Variants in ZHX3 observed in about 807,000 individuals in gnomAD.
ZHX3 encodes the protein zinc fingers and homeoboxes protein 3.
Under a neutral mutation model 64.5 loss-of-function variants are expected in ZHX3, and 20 were observed. The observed-to-expected ratio is 0.31, with a 90% confidence interval of 0.22 to 0.45. The LOEUF (loss-of-function observed/expected upper bound fraction) is 0.45. ZHX3 is among the 20% of genes least tolerant of loss of function. The pLI is 1.00. For synonymous variants in ZHX3, 423 were observed against 461.6 expected (o/e 0.92, Z 1.07); for missense variants, 1,041 against 1,195.8 (o/e 0.87, Z 1.91).
intron 1 of ZHX3, among the ~76,000 whole-genome samples, chr20:41,291,958 G>A (rs1388041267): frequency 8.7e-5 from 12 of 137,424 alleles, no homozygotes; most frequent in East Asian, 2.4e-4. Context: ...CTGGAGAACC[G>A]CTTGAGCCAG....
intron 2 of ZHX3, among the ~76,000 whole-genome samples, chr20:41,244,122 A>C (rs2041550723): frequency 6.6e-6 from 1 of 152,184 alleles, no homozygotes; most frequent in Non-Finnish European, 1.5e-5. Flanking sequence ...ATCCCAGTAG[A>C]GCACACTGTC....
intron 2 of ZHX3, among the ~76,000 whole-genome samples, chr20:41,239,933 G>A (rs1050118853): frequency 1.6e-4 from 25 of 152,034 alleles, no homozygotes; most frequent in Non-Finnish European, 7.4e-5. Context: ...TTGGAACTGT[G>A]TTTAAGAGAA....
chr20:41,203,099 G>A lies in ZHX3; in HGVS notation c.1818C>T (p.His606=). ...THPSAKRQSW[H]QTPDFTPTKY... ...TGGTTGGTGTGAAGTCAGGAGTCTGGTGCCAAGATTGTCGTTTGGCAGAAG... is the reference window on the plus strand; with the variant it reads ...TGGTTGGTGTGAAGTCAGGAGTCTGATGCCAAGATTGTCGTTTGGCAGAAG... The change falls in exon 3 of 4, where the codon CAC becomes CAT. Residue 606 remains histidine, a synonymous_variant. Transcript: ENST00000683867. This position sits in a 1 kb window ranked among gnomAD's most constrained non-coding sequence, Gnocchi z 7.1. The A allele has an allele frequency of 6.2e-7, 1 of 1,614,140 alleles. No individual in the cohort carries two copies. The highest frequency in any genetic ancestry group is 8.5e-7 in the Non-Finnish European group (1 of 1,180,034).
At chr20:41,256,183 T>G (rs1161276049) in intron 2 of ZHX3, among the ~76,000 whole-genome samples, 1 of 152,100 alleles carries the variant, frequency 6.6e-6, no homozygotes, top group African/African-American at 2.4e-5. Flanking sequence ...TTGAGTGAGG[T>G]AGGTGTGCTG....
intron 1 of ZHX3, among the ~76,000 whole-genome samples, chr20:41,312,492 T>A (rs1292635767): frequency 6.6e-6 from 1 of 152,200 alleles, no homozygotes; most frequent in Admixed American, 6.5e-5. Flanking sequence ...AGCTCCTTTC[T>A]TGAAGTCAGC....
intron 2 of ZHX3, among the ~76,000 whole-genome samples, chr20:41,221,423 C>A (rs977388549): frequency 1.3e-5 from 2 of 152,082 alleles, no homozygotes; most frequent in Non-Finnish European, 2.9e-5. Flanking sequence ...ATTTGAGGAA[C>A]AAGTTTGCAG....
chr20:41,296,216 C>T, intron 1 of ZHX3, among the ~76,000 whole-genome samples: 1 of 133,170 alleles, frequency 7.5e-6, no homozygotes, highest in Non-Finnish European at 1.5e-5. Flanking sequence ...TTTCCCTTCT[C>T]CTCAAGTTCA....
intron 2 of ZHX3, among the ~76,000 whole-genome samples, chr20:41,213,447 T>C (rs866660252): frequency 3.9e-5 from 6 of 152,300 alleles, no homozygotes; most frequent in Non-Finnish European, 5.9e-5. Flanking sequence ...ACCTTGGTAA[T>C]ATTTACTGTG....
Position 41,203,994 on chromosome 20 carries a change from G to A in ZHX3, c.923C>T (p.Thr308Met), listed in dbSNP as rs772949893. Residue 308 changes from threonine (T) to methionine (M), a missense_variant, in exon 3 of 4, where the codon ACG becomes ATG. Thr to Met is a moderately conservative substitution (Grantham distance 81). Around this residue, in one of 4 missense-constraint regions of ZHX3, gnomAD observed 358 missense variants for 369.1 expected, o/e 0.97. Transcript: ENST00000683867. This position sits in a 1 kb window ranked among gnomAD's most constrained non-coding sequence, Gnocchi z 7.1. ...GTTAGAGTCCATGGCTGCATTGTACGTTGGAATGCTGCTCAGGGGGATCAT... is the reference window on the plus strand; with the variant it reads ...GTTAGAGTCCATGGCTGCATTGTACATTGGAATGCTGCTCAGGGGGATCAT... ...KVMIPLSSIPTYNAAMDSNSF... is the reference protein window; with the variant it reads ...KVMIPLSSIPMYNAAMDSNSF... 6.8e-6 allele frequency: 11 copies of A among 1,614,118 alleles called. No individual in the cohort carries two copies. Among genetic ancestry groups the A allele is most frequent in the Admixed American group, 3.3e-5 (2 of 60,012 alleles).
At chr20:41,273,690 ATTCC>A (rs2043253400) in intron 1 of ZHX3, among the ~76,000 whole-genome samples, 1 of 152,168 alleles carries the variant, frequency 6.6e-6, no homozygotes, top group Non-Finnish European at 1.5e-5. Flanking sequence ...TCTCAGTTTT[ATTCC>A]ACTGATCTAT....
At chr20:41,283,011 C>T (rs1260749872) in intron 1 of ZHX3, among the ~76,000 whole-genome samples, 2 of 152,088 alleles carry the variant, frequency 1.3e-5, no homozygotes, top group Non-Finnish European at 2.9e-5. Flanking sequence ...TGGGTTCAAG[C>T]CATTCTTATG....
intron 2 of ZHX3, among the ~76,000 whole-genome samples, chr20:41,235,190 A>G (rs1476963341): frequency 6.6e-6 from 1 of 152,136 alleles, no homozygotes; most frequent in African/African-American, 2.4e-5. Context: ...TTCTATGGCA[A>G]ACAACAACAA....
intron 2 of ZHX3, among the ~76,000 whole-genome samples, chr20:41,256,008 T>C (rs772234116): frequency 2.6e-5 from 4 of 152,236 alleles, no homozygotes; most frequent in Non-Finnish European, 4.4e-5. Context: ...CACCAAATGC[T>C]ACTTCAAAAT....
chr20:41,225,670 T>A (rs993273218), intron 2 of ZHX3, among the ~76,000 whole-genome samples: 1 of 152,140 alleles, frequency 6.6e-6, no homozygotes, highest in Non-Finnish European at 1.5e-5. Context: ...GTACTTTTAG[T>A]AGAGACAGGG....
At chr20:41,243,141 C>G (rs6102321) in intron 2 of ZHX3, among the ~76,000 whole-genome samples, 1 of 152,118 alleles carries the variant, frequency 6.6e-6, no homozygotes, top group Non-Finnish European at 1.5e-5. Flanking sequence ...AATACTTCCT[C>G]TATAAAATAA....
chr20:41,256,687 T>C (rs576435890), intron 2 of ZHX3, among the ~76,000 whole-genome samples: 4 of 150,510 alleles, frequency 2.7e-5, no homozygotes, highest in Non-Finnish European at 4.4e-5. Context: ...CAGGCCAATA[T>C]GGCATTTCCC....
At chr20:41,298,671 G>GTA (rs1205253685) in intron 1 of ZHX3, among the ~76,000 whole-genome samples, 1 of 152,208 alleles carries the variant, frequency 6.6e-6, no homozygotes, top group Non-Finnish European at 1.5e-5. Flanking sequence ...TCAGCCAGGA[G>GTA]TAAGTTTAGT....
chr20:41,313,057 C>T (rs2045188334), intron 1 of ZHX3, among the ~76,000 whole-genome samples: 1 of 151,960 alleles, frequency 6.6e-6, no homozygotes, highest in Admixed American at 6.6e-5. Flanking sequence ...AGAGGCTAGG[C>T]CAAAAAGCCA....
In ZHX3 at chr20:41,184,127, G is replaced by T. The variant is rs933887815; in HGVS notation, c.*1064C>A. 1.3e-5 allele frequency: 2 copies of T among 152,178 alleles called. No individual in the cohort carries two copies. Among genetic ancestry groups the T allele is most frequent in the Non-Finnish European group, 2.9e-5 (2 of 68,074 alleles). The allele number at this position is 152,178 out of a possible 1,614,324, so 9.4% of individuals were successfully genotyped here. On this transcript the variant is annotated 3_prime_UTR_variant, in exon 4 of 4. Coordinates refer to ENST00000683867, the MANE Select transcript of ZHX3 (RefSeq NM_001384317.1). Reference sequence around the variant, plus strand: ...ACCACCCTACCTCTGATAATTCCAAGAAGTCAACAAATCCCTCCAGCCTTC... The same window carrying T: ...ACCACCCTACCTCTGATAATTCCAATAAGTCAACAAATCCCTCCAGCCTTC...
Sources: allele counts gnomAD v4.1 joint callset (sites outside exome capture counted in the v4.1 genomes callset), GRCh38; gene constraint gnomAD v4.1.1; regional missense constraint gnomAD v4.1.1; non-coding constraint Gnocchi (gnomAD v3.1); transcripts MANE v1.5; gene names NCBI Gene and HGNC (gene_info 2026-07-23, HGNC 2026-07-21).